The following B3GNT2 variants were observed in gnomAD, a reference collection of about 807,000 sequenced individuals.
B3GNT2 encodes the protein UDP-GlcNAc:betaGal beta-1,3-N-acetylglucosaminyltransferase 2.
In B3GNT2, 12 loss-of-function variants were observed where a neutral mutation model predicts 27.6. That is an observed-to-expected ratio of 0.44 (90% CI 0.28 to 0.71). The LOEUF (loss-of-function observed/expected upper bound fraction) is 0.71. Among genes scored for constraint, B3GNT2 ranks in the 30% least tolerant of loss-of-function variants. The pLI, the probability that B3GNT2 is intolerant of heterozygous loss-of-function variation, is 0.17. For synonymous variants in B3GNT2, 192 were observed against 189.7 expected (o/e 1.01, Z -0.10); for missense variants, 413 against 488.5 (o/e 0.85, Z 1.46).
chr2:62,200,861 A>G (rs1015641420), intron 1 of B3GNT2, among the ~76,000 whole-genome samples: 4 of 152,142 alleles, frequency 2.6e-5, no homozygotes, highest in Admixed American at 1.3e-4. Flanking sequence ...CTTGAATTCT[A>G]TTTTTACCAC....
At chr2:62,209,311 G>T (rs145702661) in intron 1 of B3GNT2, among the ~76,000 whole-genome samples, 1 of 152,250 alleles carries the variant, frequency 6.6e-6, no homozygotes, top group Admixed American at 6.5e-5. Flanking sequence ...CCCCAGGGCA[G>T]CCTTGGGCAA....
At chr2:62,218,630 G>A (rs928274091) in intron 1 of B3GNT2, among the ~76,000 whole-genome samples, 1 of 152,210 alleles carries the variant, frequency 6.6e-6, no homozygotes, top group African/African-American at 2.4e-5. Context: ...ATAGAAAAAA[G>A]AGATCCAGAG....
chr2:62,219,048 G>A (rs1306226491), intron 1 of B3GNT2, among the ~76,000 whole-genome samples: 1 of 152,208 alleles, frequency 6.6e-6, no homozygotes, highest in Non-Finnish European at 1.5e-5. Flanking sequence ...AGTGGTTATG[G>A]CTGGATTCCA....
At chr2:62,208,617 G>A (rs1263743624) in intron 1 of B3GNT2, among the ~76,000 whole-genome samples, 1 of 152,174 alleles carries the variant, frequency 6.6e-6, no homozygotes, top group Non-Finnish European at 1.5e-5. Context: ...CAGAGCCAGG[G>A]ACCAGAGGGA....
intron 1 of B3GNT2, among the ~76,000 whole-genome samples, chr2:62,212,744 C>G (rs1220251391): frequency 1.3e-5 from 2 of 152,054 alleles, no homozygotes; most frequent in African/African-American, 2.4e-5. Context: ...TATTTTTCAT[C>G]TGTTCCAGGG....
At chr2:62,216,713 C>T (rs746133017) in intron 1 of B3GNT2, among the ~76,000 whole-genome samples, 11 of 152,116 alleles carry the variant, frequency 7.2e-5, no homozygotes, top group African/African-American at 1.2e-4. Context: ...CCATAGCTTC[C>T]GATTAATAGA....
intron 1 of B3GNT2, among the ~76,000 whole-genome samples, chr2:62,210,852 T>C (rs1177801246): frequency 1.3e-5 from 2 of 152,182 alleles, no homozygotes; most frequent in Non-Finnish European, 2.9e-5. Flanking sequence ...AACGAGAGGA[T>C]AAATCAGTGT....
chr2:62,206,604 C>CT (rs1209600870), intron 1 of B3GNT2, among the ~76,000 whole-genome samples: 1 of 152,214 alleles, frequency 6.6e-6, no homozygotes, highest in Non-Finnish European at 1.5e-5. Context: ...GGATCTCTCT[C>CT]TGTTGCCCAG....
intron 1 of B3GNT2, among the ~76,000 whole-genome samples, chr2:62,210,902 G>A (rs956846013): frequency 1.3e-5 from 2 of 152,164 alleles, no homozygotes; most frequent in Non-Finnish European, 2.9e-5. Context: ...TGAGAGTGAG[G>A]GGAATAGCTT....
chr2:62,217,057 C>A (rs1021290089), intron 1 of B3GNT2, among the ~76,000 whole-genome samples: 2 of 152,204 alleles, frequency 1.3e-5, no homozygotes, highest in African/African-American at 4.8e-5. Flanking sequence ...TTGCCCAGAG[C>A]CTAGCCTGTA....
At chr2:62,196,825 GC>G in intron 1 of B3GNT2, among the ~76,000 whole-genome samples, 1 of 151,980 alleles carries the variant, frequency 6.6e-6, no homozygotes, top group Non-Finnish European at 1.5e-5. Context: ...AGGGGGGCGC[GC>G]GTGATTCCTC....
At chr2:62,201,417 C>A (rs1266347203) in intron 1 of B3GNT2, among the ~76,000 whole-genome samples, 1 of 152,138 alleles carries the variant, frequency 6.6e-6, no homozygotes, top group African/African-American at 2.4e-5. Context: ...CAATAAGTGC[C>A]CAAGATGCTC....
intron 1 of B3GNT2, among the ~76,000 whole-genome samples, chr2:62,202,629 G>A (rs1195768342): frequency 6.6e-6 from 1 of 152,192 alleles, no homozygotes; most frequent in African/African-American, 2.4e-5. Context: ...GGGCCTGAGC[G>A]TGAATGAGGC....
Position 62,222,556 on chromosome 2 carries a change from G to A in B3GNT2, c.336G>A (p.Leu112=). The change falls in exon 2 of 2, where the codon TTG becomes TTA. Residue 112 remains leucine, a synonymous_variant. Coordinates refer to ENST00000301998, the MANE Select transcript of B3GNT2 (RefSeq NM_006577.6). This position sits in a 1 kb window ranked among gnomAD's most constrained non-coding sequence, Gnocchi z 4.2. ...CGGTGGTTACGGGTTTTAACAACTT[G>A]CCGGACAGATTTAAAGACTTTCTGC... is the stretch of plus-strand genomic sequence containing the variant. ...VTSVVTGFNN[L]PDRFKDFLLY... The A allele has an allele frequency of 6.2e-7, 1 of 1,614,174 alleles. No homozygotes were observed. The highest frequency in any genetic ancestry group is 2.2e-5 in the East Asian group (1 of 44,882).
chr2:62,213,220 C>T (rs1674512781), intron 1 of B3GNT2, among the ~76,000 whole-genome samples: 1 of 152,154 alleles, frequency 6.6e-6, no homozygotes, highest in South Asian at 2.1e-4. Context: ...GGAAGGATCG[C>T]TTGGGCCTGG....
At chr2:62,215,869 G>A (rs1674564511) in intron 1 of B3GNT2, among the ~76,000 whole-genome samples, 1 of 152,172 alleles carries the variant, frequency 6.6e-6, no homozygotes, top group African/African-American at 2.4e-5. Flanking sequence ...AGCCTGAGTG[G>A]GTGGGGGTGA....
chr2:62,204,510 A>C (rs1188723348), intron 1 of B3GNT2, among the ~76,000 whole-genome samples: 8 of 152,250 alleles, frequency 5.3e-5, no homozygotes. Flanking sequence ...TCTAATAATG[A>C]AAGGGTCGAA....
chr2:62,214,121 A>C (rs898067122), intron 1 of B3GNT2, among the ~76,000 whole-genome samples: 1 of 152,220 alleles, frequency 6.6e-6, no homozygotes, highest in Admixed American at 6.5e-5. Context: ...CCCTGAGTTC[A>C]ACCTCTGGGA....
At chr2:62,206,816 A>G (rs1042628230) in intron 1 of B3GNT2, among the ~76,000 whole-genome samples, 2 of 152,158 alleles carry the variant, frequency 1.3e-5, no homozygotes, top group African/African-American at 4.8e-5. Context: ...AAGACTCCAA[A>G]TGGATAAGCC....
Sources: gnomAD v4.1 joint callset for allele counts (sites outside exome capture counted in the v4.1 genomes callset) on GRCh38, gnomAD v4.1.1 for gene constraint, Gnocchi (gnomAD v3.1) non-coding constraint, MANE v1.5 for transcripts, NCBI Gene and HGNC (gene_info 2026-07-23, HGNC 2026-07-21) for gene names.